SOX5: variants seen among roughly 807,000 people sequenced by gnomAD.
The protein encoded by SOX5 is transcription factor SOX-5.
SOX5 carries 9 observed loss-of-function variants against 92.0 expected under a neutral mutation model. The observed-to-expected ratio is 0.10, with a 90% CI of 0.06 to 0.17. The LOEUF (loss-of-function observed/expected upper bound fraction) is 0.17. Ranked by LOEUF, SOX5 falls within the 10% of genes least tolerant of loss-of-function variation. The pLI is 1.00. For missense variants in SOX5, 642 were observed against 944.5 expected (o/e 0.68, Z 4.20); for synonymous variants, 344 against 336.3 (o/e 1.02, Z -0.25).
At chr12:23,609,049 G>A (rs1422713611) in intron 8 of SOX5, among the ~76,000 whole-genome samples, 1 of 152,106 alleles carries the variant, frequency 6.6e-6, no homozygotes, top group African/African-American at 2.4e-5. Context: ...TGTTTTCATA[G>A]AAGAAATGGA....
In SOX5 at chr12:24,094,707, TACC is replaced by T. The variant is rs577826176; in HGVS notation, c.-2+118633_-2+118635del. On this transcript the variant is annotated intron_variant, in intron 4 of 4. Coordinates refer to the SOX5 transcript ENST00000446891. Reference sequence around the variant, plus strand: ...TTCCCATATGGATAACCAATTGTCCTACCACCATGTACTGAGCAACCCATACTT... The same window carrying T: ...TTCCCATATGGATAACCAATTGTCCTACCATGTACTGAGCAACCCATACTT... Among the ~76,000 whole-genome samples, 40 of 152,282 alleles carry T rather than the reference TACC, an allele frequency of 2.6e-4. 1 individual carries two copies. Among genetic ancestry groups the T allele is most frequent in the African/African-American group, 8.9e-4 (37 of 41,546 alleles).
chr12:24,401,413 T>G lies in SOX5; in HGVS notation c.-250-32774A>C, dbSNP rs549348002. Reference sequence around the variant, plus strand: ...ACTATTATATTTTGAACTATGTCCATTAAAAATTTGTACTGGCCAGGTTTG... The same window carrying G: ...ACTATTATATTTTGAACTATGTCCAGTAAAAATTTGTACTGGCCAGGTTTG... On this transcript the variant is annotated intron_variant, in intron 1 of 4. Transcript: ENST00000446891. Among the ~76,000 whole-genome samples, 227 of 151,536 alleles carry G rather than the reference T, an allele frequency of 1.5e-3. 1 individual carries two copies. The highest frequency in any genetic ancestry group is 4.8e-3 in the African/African-American group (198 of 41,348).
At chr12:23,764,685 C>G (rs1442203922) in intron 3 of SOX5, among the ~76,000 whole-genome samples, 1 of 151,912 alleles carries the variant, frequency 6.6e-6, no homozygotes, top group Non-Finnish European at 1.5e-5. Context: ...TTAATATTTG[C>G]AGAATTTTGT....
intron 4 of SOX5, among the ~76,000 whole-genome samples, chr12:24,185,282 A>G (rs958631350): frequency 6.6e-5 from 10 of 152,076 alleles, no homozygotes; most frequent in African/African-American, 2.2e-4. Flanking sequence ...TGCTCCTAGA[A>G]TAGATATCAC....
chr12:23,949,496 G>A, intron 1 of SOX5, 68 bp downstream of exon 1: 1 of 1,585,330 alleles, frequency 6.3e-7, no homozygotes, highest in Non-Finnish European at 8.7e-7. Context: ...ATCTTCCAAT[G>A]ATTCAGAGAC....
At chr12:23,571,208 C>G (rs1948326909) in intron 10 of SOX5, among the ~76,000 whole-genome samples, 1 of 151,344 alleles carries the variant, frequency 6.6e-6, no homozygotes, top group Non-Finnish European at 1.5e-5. Flanking sequence ...AACAAACTTT[C>G]AAAATAATAT....
At chr12:24,127,886 A>T (rs1175977113) in intron 4 of SOX5, among the ~76,000 whole-genome samples, 1 of 152,198 alleles carries the variant, frequency 6.6e-6, no homozygotes, top group Non-Finnish European at 1.5e-5. Flanking sequence ...CAGTTTTCAG[A>T]TCAGCCCACA....
intron 2 of SOX5, among the ~76,000 whole-genome samples, chr12:24,311,131 G>A (rs1346880148): frequency 6.6e-6 from 1 of 152,160 alleles, no homozygotes; most frequent in African/African-American, 2.4e-5. Context: ...CCCATGGGGG[G>A]CCAGGAGGTA....
At chr12:23,540,118 A>G (rs1254700319) in intron 13 of SOX5, among the ~76,000 whole-genome samples, 3 of 151,688 alleles carry the variant, frequency 2.0e-5, no homozygotes, top group Non-Finnish European at 4.4e-5. Flanking sequence ...AGAGAGAAAA[A>G]ATATCTACTT....
intron 6 of SOX5, among the ~76,000 whole-genome samples, chr12:23,697,561 T>G (rs947751780): frequency 2.0e-5 from 3 of 152,140 alleles, no homozygotes; most frequent in African/African-American, 7.2e-5. Context: ...TGATTATTTA[T>G]TTTTTTAAAG....
At chr12:23,670,375 A>T (rs1593137257) in intron 6 of SOX5, among the ~76,000 whole-genome samples, 1 of 152,282 alleles carries the variant, frequency 6.6e-6, no homozygotes, top group South Asian at 2.1e-4. Flanking sequence ...GAGGAGAGAC[A>T]TTAATAGCAG....
intron 3 of SOX5, among the ~76,000 whole-genome samples, chr12:24,244,501 G>A (rs1938215989): frequency 6.6e-6 from 1 of 152,194 alleles, no homozygotes; most frequent in African/African-American, 2.4e-5. Flanking sequence ...GGAAAAAGGT[G>A]AATGGTTAAA....
At chr12:23,943,152 C>A (rs1943966229) in intron 1 of SOX5, among the ~76,000 whole-genome samples, 1 of 151,616 alleles carries the variant, frequency 6.6e-6, no homozygotes, top group South Asian at 2.1e-4. Context: ...TCCAAGAAAC[C>A]AAAACTCATT....
At chr12:23,783,871 G>A (rs1159353570) in intron 3 of SOX5, among the ~76,000 whole-genome samples, 1 of 152,092 alleles carries the variant, frequency 6.6e-6, no homozygotes, top group East Asian at 1.9e-4. Context: ...CCCAGACATT[G>A]GACAAGTGTC....
At chr12:24,312,512 G>A (rs1482396863) in intron 2 of SOX5, among the ~76,000 whole-genome samples, 1 of 152,158 alleles carries the variant, frequency 6.6e-6, no homozygotes. Flanking sequence ...CCAATCAAGT[G>A]TAAACAAGGG....
intron 2 of SOX5, among the ~76,000 whole-genome samples, chr12:24,333,629 T>C (rs1306226501): frequency 1.3e-5 from 2 of 152,058 alleles, no homozygotes; most frequent in Non-Finnish European, 2.9e-5. Context: ...AATAGAAGTA[T>C]GTAATTCCTT....
At chr12:23,856,564 A>G (rs2096692228) in intron 2 of SOX5, among the ~76,000 whole-genome samples, 1 of 152,138 alleles carries the variant, frequency 6.6e-6, no homozygotes, top group African/African-American at 2.4e-5. Flanking sequence ...GGTAAATTGG[A>G]GAATTAAACC....
intron 1 of SOX5, among the ~76,000 whole-genome samples, chr12:23,938,012 C>G (rs1942949890): frequency 6.6e-6 from 1 of 150,500 alleles, no homozygotes; most frequent in Admixed American, 6.6e-5. Context: ...TCATATTCAG[C>G]CTAGGTTTTA....
At chr12:23,599,222 C>G (rs1283565956) in intron 9 of SOX5, among the ~76,000 whole-genome samples, 1 of 152,160 alleles carries the variant, frequency 6.6e-6, no homozygotes, top group Non-Finnish European at 1.5e-5. Flanking sequence ...CAATAAAGTT[C>G]CAGTTTTTGC....
Sources: allele counts gnomAD v4.1 joint callset (sites outside exome capture counted in the v4.1 genomes callset), GRCh38; gene constraint gnomAD v4.1.1; transcripts MANE v1.5; gene names NCBI Gene and HGNC (gene_info 2026-07-23, HGNC 2026-07-21).